The following LTBP1 variants were observed in gnomAD, a reference collection of about 807,000 sequenced individuals.
LTBP1 encodes the protein latent transforming growth factor beta binding protein 1, also known as latent-transforming growth factor beta-binding protein 1.
A neutral mutation model predicts 207.6 loss-of-function variants in LTBP1; 129 were observed. The observed-to-expected ratio is 0.62, with a 90% CI of 0.54 to 0.72. LTBP1 has a LOEUF of 0.72. LTBP1 is among the 30% of genes least tolerant of loss of function. The probability of loss-of-function intolerance (pLI) is 0.00; values close to 1 mark genes in which losing one functional copy is unlikely to be tolerated. For synonymous variants in LTBP1, 963 were observed against 833.7 expected (o/e 1.16, Z -2.67); for missense variants, 2,281 against 2,217.2 (o/e 1.03, Z -0.58).
rs1296409285 is a variant in LTBP1 at position 33,188,837 on chromosome 2, A to G, written c.1687A>G (p.Thr563Ala). 1 of 1,614,072 alleles carries G rather than the reference A, an allele frequency of 6.2e-7. No homozygotes were observed. The highest frequency in any genetic ancestry group is 8.5e-7 in the Non-Finnish European group (1 of 1,180,006). Residue 563 changes from threonine (T) to alanine (A), a missense_variant, in exon 7 of 34, where the codon ACC becomes GCC. By Grantham distance (58) the Thr-to-Ala change is moderately conservative. Around this residue, in one of 3 missense-constraint regions of LTBP1, gnomAD observed 1,671 missense variants for 1,634.8 expected, o/e 1.02. Transcript: ENST00000404816. ...ACAGCTTGGCCGGTGCTTCCAGGAA[A>G]CCATTGGGTCACAGGTAAACATCAT... ...KTQLGRCFQE[T>A]IGSQCGKALP... is the part of the protein sequence containing the mutation.
In LTBP1 at chr2:32,947,533, G is replaced by C; in HGVS notation, c.209G>C (p.Gly70Ala). The C allele has an allele frequency of 7.2e-7, 1 of 1,395,800 alleles. No individual in the cohort carries two copies. 86.5% of individuals were successfully genotyped at this position (1,395,800 alleles called of 1,614,324 possible). A position where few individuals can be genotyped will look rare whatever the true frequency, so the allele number is the denominator to read the frequency against. The change falls in exon 1 of 34, where the codon GGC (glycine) becomes GCC (alanine). Residue 70 changes from glycine to alanine, a missense_variant. Gly to Ala is a moderately conservative substitution (Grantham distance 60). This residue lies in a region of LTBP1 where 555 missense variants were observed against 491.0 expected (regional missense o/e 1.13). Coordinates refer to ENST00000404816, the MANE Select transcript of LTBP1 (RefSeq NM_206943.4). ...TACAGCCGCAGCTCGGCGGCTGCCG[G>C]CGCCCCCAGCCGTGCCTCCCCCGGG... ...ARYSRSSAAA[G>A]APSRASPGVP...
At chr2:33,182,364 T>A (rs1243952431) in intron 5 of LTBP1, among the ~76,000 whole-genome samples, 5 of 151,956 alleles carry the variant, frequency 3.3e-5, no homozygotes, top group Non-Finnish European at 2.9e-5. Context: ...TTTCTTTGTT[T>A]AAAAAAAGGT....
intron 3 of LTBP1, among the ~76,000 whole-genome samples, chr2:33,032,436 GT>G (rs1558538825): frequency 6.6e-6 from 1 of 152,002 alleles, no homozygotes; most frequent in Non-Finnish European, 1.5e-5. Context: ...ATCAACTTCC[GT>G]GTATCTTCTC....
chr2:33,289,564 C>G (rs1363277357), intron 19 of LTBP1, among the ~76,000 whole-genome samples: 2 of 152,116 alleles, frequency 1.3e-5, no homozygotes, highest in Non-Finnish European at 2.9e-5. Flanking sequence ...CAGGGGCTTG[C>G]TGTGGTGGCC....
chr2:33,341,924 A>G (rs1001708604), intron 24 of LTBP1, among the ~76,000 whole-genome samples: 2 of 152,022 alleles, frequency 1.3e-5, no homozygotes, highest in Non-Finnish European at 2.9e-5. Context: ...GGATGCTGTC[A>G]TTAACATTTT....
intron 2 of LTBP1, among the ~76,000 whole-genome samples, chr2:32,983,699 G>A (rs1312767935): frequency 2.0e-5 from 3 of 152,100 alleles, no homozygotes; most frequent in Admixed American, 6.5e-5. Context: ...TTTATAAAGG[G>A]CAGTTCCCCT....
chr2:32,996,435 T>C (rs1685283941), intron 2 of LTBP1, among the ~76,000 whole-genome samples: 1 of 152,152 alleles, frequency 6.6e-6, no homozygotes, highest in African/African-American at 2.4e-5. Flanking sequence ...GATTTCAACA[T>C]ATGAATTTTG....
intron 2 of LTBP1, among the ~76,000 whole-genome samples, chr2:32,961,078 GA>G (rs1478083908): frequency 3.3e-5 from 5 of 152,154 alleles, no homozygotes; most frequent in African/African-American, 1.2e-4. Context: ...TTAAGGCATG[GA>G]AAAATATCTT....
intron 2 of LTBP1, among the ~76,000 whole-genome samples, chr2:32,985,145 C>A (rs771077533): frequency 1.1e-4 from 17 of 152,078 alleles, no homozygotes; most frequent in Admixed American, 2.0e-4. Context: ...CATAGAAGGT[C>A]AAATCTGTTT....
chr2:33,380,924 TA>T (rs112808141), intron 31 of LTBP1, among the ~76,000 whole-genome samples: 12 of 151,086 alleles, frequency 7.9e-5, no homozygotes, highest in East Asian at 1.9e-4. Flanking sequence ...ATGTATAACT[TA>T]AAAAAAAAAT....
intron 22 of LTBP1, among the ~76,000 whole-genome samples, chr2:33,305,238 C>A (rs2094067746): frequency 6.6e-6 from 1 of 152,144 alleles, no homozygotes; most frequent in African/African-American, 2.4e-5. Context: ...GCAGAAAAAT[C>A]ACTCGAACCC....
Position 33,228,697 on chromosome 2 carries a change from C to CTTTTTTTT in LTBP1, c.1876+6560_1876+6567dup, listed in dbSNP as rs1244221993. 4.8e-3 allele frequency among the ~76,000 whole-genome samples: 477 copies of CTTTTTTTT among 98,992 alleles called. 76 individuals are homozygous for CTTTTTTTT. The highest frequency in any genetic ancestry group is 0.041 in the Middle Eastern group (5 of 122). The allele number at this position is 98,992 out of a possible 152,430, so 64.9% of individuals were successfully genotyped here. A position where few individuals can be genotyped will look rare whatever the true frequency, so the allele number is the denominator to read the frequency against. Reference sequence around the variant, plus strand: ...TAATAAGCCCAACCAGGGTTATACCCTTTTTTTTTTTTTTTTTTTTTGAGA... The same window carrying CTTTTTTTT: ...TAATAAGCCCAACCAGGGTTATACCCTTTTTTTTTTTTTTTTTTTTTTTTTTTTTGAGA... On this transcript the variant is annotated intron_variant, in intron 9 of 33. Transcript: ENST00000404816.
At chr2:33,376,068 A>T (rs1230389865) in intron 31 of LTBP1, among the ~76,000 whole-genome samples, 2 of 152,212 alleles carry the variant, frequency 1.3e-5, no homozygotes, top group African/African-American at 4.8e-5. Context: ...TAAAATTTTG[A>T]ACACTTTGGT....
chr2:33,208,662 T>C (rs2090060952), intron 7 of LTBP1, among the ~76,000 whole-genome samples: 1 of 151,864 alleles, frequency 6.6e-6, no homozygotes, highest in Non-Finnish European at 1.5e-5. Context: ...CGTAGCTCCT[T>C]GGCTGCCCTC....
intron 10 of LTBP1, among the ~76,000 whole-genome samples, chr2:33,249,861 G>T (rs949545630): frequency 6.6e-6 from 1 of 152,088 alleles, no homozygotes; most frequent in Non-Finnish European, 1.5e-5. Context: ...AGTTTTATTC[G>T]ATTCTACAGC....
At position 33,363,374 on chromosome 2, in the gene LTBP1, A is replaced by AT. The variant is rs752403280; in HGVS notation, c.4271-9dup. 14 of 1,612,504 alleles carry AT rather than the reference A, an allele frequency of 8.7e-6. No individual in the cohort carries two copies. Among genetic ancestry groups the AT allele is most frequent in the Admixed American group, 6.7e-5 (4 of 59,800 alleles). On this transcript the variant is annotated splice_polypyrimidine_tract_variant and intron_variant, in intron 28 of 33. Coordinates refer to ENST00000404816, the MANE Select transcript of LTBP1 (RefSeq NM_206943.4). ...ACCTAACTCCTTTTTGTATTTCTCA[A>AT]TTTTTTTCCCCGTAGATGCAGATGA...
intron 30 of LTBP1, 35 bp from the exon 31 acceptor site, chr2:33,365,298 G>A (rs375643947): frequency 6.3e-7 from 1 of 1,594,694 alleles, no homozygotes; most frequent in African/African-American, 1.3e-5. Context: ...AGGAATAACT[G>A]TGCGATTTTC....
chr2:33,333,124 A>G (rs961026544), intron 24 of LTBP1: 12 of 152,140 alleles, frequency 7.9e-5, no homozygotes, highest in African/African-American at 2.2e-4. Flanking sequence ...GATATACTAT[A>G]TTTCATCTTT....
At chr2:33,221,440 G>A (rs2091094962) in intron 8 of LTBP1, among the ~76,000 whole-genome samples, 1 of 152,158 alleles carries the variant, frequency 6.6e-6, no homozygotes, top group South Asian at 2.1e-4. Context: ...CAGAATCTCA[G>A]GAAATAGGGT....
Sources: allele counts gnomAD v4.1 joint callset (sites outside exome capture counted in the v4.1 genomes callset), GRCh38; gene constraint gnomAD v4.1.1; regional missense constraint gnomAD v4.1.1; transcripts MANE v1.5; gene names NCBI Gene and HGNC (gene_info 2026-07-23, HGNC 2026-07-21).